The following NAALADL2 variants were observed in gnomAD, a reference collection of about 807,000 sequenced individuals.
NAALADL2 encodes the protein inactive N-acetylated-alpha-linked acidic dipeptidase-like protein 2.
In NAALADL2, 76 loss-of-function variants were observed where a neutral mutation model predicts 87.2. That is an observed-to-expected ratio of 0.87 (90% CI 0.72 to 1.05). The LOEUF is 1.05. NAALADL2 is among the 50% of genes least tolerant of loss of function. NAALADL2 has a pLI of 0.00. For missense variants in NAALADL2, 1,089 were observed against 945.8 expected, an observed-to-expected ratio of 1.15 and a Z score of -1.99; for synonymous variants, 354 against 331.0, an observed-to-expected ratio of 1.07 and a Z score of -0.75.
chr3:174,470,954 C>T (rs1333543755), intron 1 of NAALADL2, among the ~76,000 whole-genome samples: 1 of 152,036 alleles, frequency 6.6e-6, no homozygotes, highest in Non-Finnish European at 1.5e-5. Context: ...ATAAATAAGT[C>T]AGAGGAATGC....
At chr3:175,648,723 T>G (rs927549513) in intron 11 of NAALADL2, among the ~76,000 whole-genome samples, 1 of 152,190 alleles carries the variant, frequency 6.6e-6, no homozygotes, top group Non-Finnish European at 1.5e-5. Context: ...GTTCTATTTT[T>G]AAAATATTAT....
intron 10 of NAALADL2, among the ~76,000 whole-genome samples, chr3:175,583,079 C>G (rs1720012786): frequency 6.6e-6 from 1 of 152,160 alleles, no homozygotes; most frequent in Non-Finnish European, 1.5e-5. Flanking sequence ...TAAACCTAAC[C>G]TACCAAACAT....
intron 2 of NAALADL2, among the ~76,000 whole-genome samples, chr3:174,629,451 G>T (rs1721898426): frequency 6.6e-6 from 1 of 152,186 alleles, no homozygotes. Context: ...ATTCTTCTCA[G>T]TAAGTCTTTA....
rs142823586 is a variant in NAALADL2, at chr3:174,916,500, T to C, written c.43+57050T>C. 1.1e-4 allele frequency among the ~76,000 whole-genome samples: 17 copies of C among 152,104 alleles called. No homozygotes were observed. The South Asian group carries it at 3.5e-3, about 32-fold the overall frequency. On this transcript the variant is annotated intron_variant, in intron 1 of 13. Transcript: ENST00000454872. ...TTGACCAATGAGTGGATATGGAAAA[T>C]GTAGCATATATACACCATGGAATAC...
chr3:175,238,251 T>C lies in NAALADL2; in HGVS notation c.819+4047T>C, dbSNP rs1392130770. On this transcript the variant is annotated intron_variant, in intron 3 of 13. Coordinates refer to ENST00000454872, the MANE Select transcript of NAALADL2 (RefSeq NM_207015.3). ...TTAGTATCCTGACACCATTTGTAAG[T>C]GTATTAAAACTGCCTTTTTTAAAAT... Among the ~76,000 whole-genome samples the C allele has an allele frequency of 3.9e-5, 6 of 152,262 alleles. No homozygotes were observed. The East Asian group carries it at 7.7e-4, about 20-fold the overall frequency.
Position 175,471,681 on chromosome 3 carries a change from A to C in NAALADL2, c.1576A>C (p.Ser526Arg). ...TCAGAAAAATGTTGTGGCTTATATT[A>C]GCCTCCACAGTCCCATAAGGGGGAA... Reference protein sequence around the residue: ...VLQKNVVAYISLHSPIRGNSS... With the variant: ...VLQKNVVAYIRLHSPIRGNSS... Residue 526 changes from serine (S) to arginine (R), a missense_variant, in exon 9 of 14, where the codon AGC becomes CGC. Ser to Arg is a moderately radical substitution (Grantham distance 110). Transcript: ENST00000454872. 1.9e-6 allele frequency: 3 copies of C among 1,570,650 alleles called. No homozygotes were observed. In the South Asian group the frequency reaches 3.4e-5, roughly 18 times the overall value.
intron 5 of NAALADL2, among the ~76,000 whole-genome samples, chr3:175,375,037 TCTTA>T (rs1156267138): frequency 6.6e-6 from 1 of 152,108 alleles, no homozygotes. Context: ...ACTGAAAAAA[TCTTA>T]CTTTTCTTAT....
At chr3:174,800,223 A>G (rs1484024455) in intron 3 of NAALADL2, among the ~76,000 whole-genome samples, 1 of 152,144 alleles carries the variant, frequency 6.6e-6, no homozygotes. Context: ...CGATGGAGAA[A>G]ATATCACCAG....
chr3:175,188,640 C>A (rs1737693333), intron 2 of NAALADL2, among the ~76,000 whole-genome samples: 1 of 152,156 alleles, frequency 6.6e-6, no homozygotes, highest in Non-Finnish European at 1.5e-5. Context: ...GGAGTCCAAG[C>A]TACTGAAGTT....
At chr3:175,301,528 A>G (rs1408581314) in intron 4 of NAALADL2, among the ~76,000 whole-genome samples, 1 of 152,172 alleles carries the variant, frequency 6.6e-6, no homozygotes, top group East Asian at 1.9e-4. Flanking sequence ...TACATTTCTG[A>G]TTCACTGAAT....
intron 9 of NAALADL2, among the ~76,000 whole-genome samples, chr3:175,551,312 G>A (rs774498301): frequency 1.3e-5 from 2 of 151,986 alleles, no homozygotes; most frequent in South Asian, 2.1e-4. Flanking sequence ...AGAGAGTGTC[G>A]GTGTTGTAGG....
chr3:175,511,039 A>G (rs1731081137), intron 9 of NAALADL2, among the ~76,000 whole-genome samples: 1 of 152,178 alleles, frequency 6.6e-6, no homozygotes. Flanking sequence ...CTCAACAATT[A>G]ATTTAAGAGG....
intron 2 of NAALADL2, among the ~76,000 whole-genome samples, chr3:175,171,681 A>C (rs1368064191): frequency 6.6e-6 from 1 of 152,128 alleles, no homozygotes; most frequent in African/African-American, 2.4e-5. Context: ...TTATAACAGA[A>C]GAACAGGTGA....
chr3:174,693,578 A>G (rs1728774250), intron 2 of NAALADL2, among the ~76,000 whole-genome samples: 1 of 152,188 alleles, frequency 6.6e-6, no homozygotes, highest in African/African-American at 2.4e-5. Context: ...GGCTTTTGTA[A>G]CATATCTTTG....
At chr3:175,633,957 A>T (rs1728161442) in intron 11 of NAALADL2, among the ~76,000 whole-genome samples, 1 of 151,900 alleles carries the variant, frequency 6.6e-6, no homozygotes, top group Non-Finnish European at 1.5e-5. Flanking sequence ...GATTTCCATT[A>T]TATATGTGAA....
At chr3:174,909,695 C>A (rs925020522) in intron 1 of NAALADL2, among the ~76,000 whole-genome samples, 1 of 152,080 alleles carries the variant, frequency 6.6e-6, no homozygotes, top group East Asian at 1.9e-4. Flanking sequence ...ATAATTTGAT[C>A]TCTTCCTACT....
intron 9 of NAALADL2, among the ~76,000 whole-genome samples, chr3:175,558,914 T>C (rs1296593232): frequency 2.0e-5 from 3 of 152,186 alleles, no homozygotes; most frequent in Admixed American, 6.5e-5. Context: ...CTGGGTCTTT[T>C]GTGGCTCCAT....
At chr3:174,947,395 T>C (rs2108497058) in intron 1 of NAALADL2, among the ~76,000 whole-genome samples, 1 of 152,306 alleles carries the variant, frequency 6.6e-6, no homozygotes, top group South Asian at 2.1e-4. Flanking sequence ...ATGGTTTCAC[T>C]TTGATCAAAT....
intron 2 of NAALADL2, among the ~76,000 whole-genome samples, chr3:174,555,433 G>T (rs7617426): frequency 3.3e-5 from 5 of 151,890 alleles, no homozygotes. Flanking sequence ...CCGAGTAGCC[G>T]GGATTACAGG....
Sources: allele counts gnomAD v4.1 joint callset (sites outside exome capture counted in the v4.1 genomes callset), GRCh38; gene constraint gnomAD v4.1.1; transcripts MANE v1.5; gene names NCBI Gene and HGNC (gene_info 2026-07-23, HGNC 2026-07-21).